Variants in RAB38 observed in about 807,000 individuals in gnomAD.
RAB38 encodes the protein RAB38, member RAS oncogene family.
In RAB38, 15 loss-of-function variants were observed where a neutral mutation model predicts 18.4. The ratio of observed to expected loss-of-function variants is 0.82; its 90% CI spans 0.55 to 1.26. RAB38 has a LOEUF of 1.26. RAB38 is among the 50% of genes most tolerant of loss of function. The probability of loss-of-function intolerance (pLI) is 0.00; values close to 1 mark genes in which losing one functional copy is unlikely to be tolerated. For missense variants in RAB38, 294 were observed against 267.4 expected (o/e 1.10, Z -0.69); for synonymous variants, 101 against 104.4 (o/e 0.97, Z 0.20).
At chr11:87,956,836 A>C in the RAB38 span, among the ~76,000 whole-genome samples, 1 of 152,044 alleles carries the variant, frequency 6.6e-6, no homozygotes. Context: ...AGAAGCCAAG[A>C]AGAATTTGAA....
At chr11:87,949,587 G>T in the RAB38 span, among the ~76,000 whole-genome samples, 2 of 152,096 alleles carry the variant, frequency 1.3e-5, no homozygotes, top group Non-Finnish European at 2.9e-5. Flanking sequence ...GTGGTATGTT[G>T]TATCTTTGTT....
At chr11:87,828,742 T>C in the RAB38 span, among the ~76,000 whole-genome samples, 1 of 151,630 alleles carries the variant, frequency 6.6e-6, no homozygotes, top group Non-Finnish European at 1.5e-5. Flanking sequence ...TCACTGACTT[T>C]TTCTGTAATT....
chr11:88,012,536 C>A, the RAB38 span, among the ~76,000 whole-genome samples: 1 of 152,114 alleles, frequency 6.6e-6, no homozygotes, highest in Admixed American at 6.6e-5. Context: ...GCATATTTTT[C>A]TGGCTTCTGG....
chr11:87,964,927 C>CAAT, the RAB38 span, among the ~76,000 whole-genome samples: 1 of 152,120 alleles, frequency 6.6e-6, no homozygotes, highest in South Asian at 2.1e-4. Flanking sequence ...ACTTGCATCC[C>CAAT]AATATGTTTC....
the RAB38 span, among the ~76,000 whole-genome samples, chr11:88,045,393 G>C: frequency 2.0e-5 from 3 of 152,290 alleles, no homozygotes; most frequent in South Asian, 6.2e-4. Context: ...CTCCAGCACA[G>C]AAGAACTTCC....
chr11:87,841,202 G>A, the RAB38 span, among the ~76,000 whole-genome samples: 2 of 152,190 alleles, frequency 1.3e-5, no homozygotes, highest in East Asian at 3.9e-4. Context: ...TTGAATTGTA[G>A]TTCCCATAAT....
chr11:88,062,452 ATTTC>A, the RAB38 span, among the ~76,000 whole-genome samples: 1 of 152,196 alleles, frequency 6.6e-6, no homozygotes, highest in African/African-American at 2.4e-5. Context: ...AGTCTTGGGT[ATTTC>A]TTTATAGCAG....
chr11:87,945,974 C>T, the RAB38 span, among the ~76,000 whole-genome samples: 6 of 152,108 alleles, frequency 3.9e-5, no homozygotes, highest in Non-Finnish European at 8.8e-5. Flanking sequence ...AGATAATGCA[C>T]TGTGATGGCC....
chr11:88,059,751 C>T, the RAB38 span, among the ~76,000 whole-genome samples: 2,071 of 148,722 alleles, frequency 0.014, 22 homozygotes, highest in Non-Finnish European at 0.022. Flanking sequence ...CTCCCTGACA[C>T]CTATGTACCA....
At chr11:87,850,124 G>T in the RAB38 span, among the ~76,000 whole-genome samples, 3 of 152,062 alleles carry the variant, frequency 2.0e-5, no homozygotes, top group African/African-American at 7.2e-5. Flanking sequence ...TTAGCACAAA[G>T]ACTCACTCAA....
the RAB38 span, among the ~76,000 whole-genome samples, chr11:87,831,426 T>A: frequency 6.6e-6 from 1 of 152,266 alleles, no homozygotes; most frequent in Non-Finnish European, 1.5e-5. Context: ...AGGGCCTCAG[T>A]GCTGCAGGAA....
the RAB38 span, among the ~76,000 whole-genome samples, chr11:87,933,461 G>C: frequency 6.6e-6 from 1 of 151,974 alleles, no homozygotes; most frequent in Admixed American, 6.6e-5. Flanking sequence ...TTTAAAAATG[G>C]GCACATGTCT....
At chr11:87,974,734 T>G in the RAB38 span, among the ~76,000 whole-genome samples, 1 of 151,522 alleles carries the variant, frequency 6.6e-6, no homozygotes, top group African/African-American at 2.4e-5. Flanking sequence ...AGGGAAATGA[T>G]ACTTTATATA....
intron 2 of RAB38, among the ~76,000 whole-genome samples, chr11:88,123,085 T>C (rs540256412): frequency 5.2e-4 from 79 of 152,342 alleles, no homozygotes; most frequent in African/African-American, 1.9e-3. Context: ...CTCCAATGAA[T>C]ACAATCTCCT....
chr11:87,925,582 G>C, the RAB38 span, among the ~76,000 whole-genome samples: 1 of 152,024 alleles, frequency 6.6e-6, no homozygotes, highest in African/African-American at 2.4e-5. Flanking sequence ...ATTCAGGGAA[G>C]AACTGATTAT....
the RAB38 span, among the ~76,000 whole-genome samples, chr11:87,844,189 A>G: frequency 6.6e-6 from 1 of 152,198 alleles, no homozygotes; most frequent in Non-Finnish European, 1.5e-5. Flanking sequence ...TCCCCAAAAT[A>G]ATCCTATGAA....
At chr11:88,068,815 A>C in the RAB38 span, among the ~76,000 whole-genome samples, 2 of 152,232 alleles carry the variant, frequency 1.3e-5, no homozygotes, top group Non-Finnish European at 2.9e-5. Flanking sequence ...TCTTCATTTG[A>C]TGAAAATAAA....
At chr11:87,813,338 C>T in the RAB38 span, among the ~76,000 whole-genome samples, 5 of 152,174 alleles carry the variant, frequency 3.3e-5, no homozygotes, top group East Asian at 1.9e-4. Flanking sequence ...TGTTCCAGGG[C>T]GAAATCAATT....
chr11:87,821,372 A>G, the RAB38 span, among the ~76,000 whole-genome samples: 1 of 152,228 alleles, frequency 6.6e-6, no homozygotes, highest in African/African-American at 2.4e-5. Context: ...AGTATGTCTG[A>G]AAAACAAGAG....
Sources: allele counts gnomAD v4.1 joint callset (sites outside exome capture counted in the v4.1 genomes callset), GRCh38; gene constraint gnomAD v4.1.1; transcripts MANE v1.5; gene names NCBI Gene and HGNC (gene_info 2026-07-23, HGNC 2026-07-21).